Variants in ALDH3B1 observed in about 807,000 individuals in gnomAD.
ALDH3B1 encodes the protein aldehyde dehydrogenase 3 family member B1.
In ALDH3B1, 37 loss-of-function variants were observed where a neutral mutation model predicts 46.2. The ratio of observed to expected loss-of-function variants is 0.80; its 90% confidence interval spans 0.62 to 1.05. The LOEUF is 1.05. Ranked by LOEUF, ALDH3B1 falls within the 50% of genes least tolerant of loss-of-function variation. The pLI, the probability that ALDH3B1 is intolerant of heterozygous loss-of-function variation, is 0.00. For synonymous variants in ALDH3B1, 283 were observed against 281.0 expected, an observed-to-expected ratio of 1.01 and a Z score of -0.07; for missense variants, 603 against 665.5, an observed-to-expected ratio of 0.91 and a Z score of 1.03.
chr11:68,021,946 C>T, intron 7 of ALDH3B1, 75 bp downstream of exon 7: 1 of 1,518,770 alleles, frequency 6.6e-7, no homozygotes. Context: ...GGCTGGGCCA[C>T]AACTCTGGAC....
rs573490268 is a variant in ALDH3B1, at chr11:68,010,919, G to A, written c.-2+527G>A. Among the ~76,000 whole-genome samples, 107 of 152,296 alleles carry A rather than the reference G, an allele frequency of 7.0e-4. 1 individual carries two copies. Among genetic ancestry groups the A allele is most frequent in the African/African-American group, 2.4e-3 (99 of 41,564 alleles). On this transcript the variant is annotated intron_variant, in intron 1 of 9. Coordinates refer to ENST00000342456, the MANE Select transcript of ALDH3B1 (RefSeq NM_000694.4). ...AGGAGTGGCCAGCCAGCCCCGCCCC[G>A]CCTGCAGGAGGCACTTCTCATCCCG...
intron 6 of ALDH3B1, among the ~76,000 whole-genome samples, 167 bp downstream of exon 6, chr11:68,019,963 T>A (rs1857451410): frequency 6.6e-6 from 1 of 152,064 alleles, no homozygotes; most frequent in Admixed American, 6.5e-5. Flanking sequence ...TAGGAAGGGA[T>A]GGAGTCCCAT....
chr11:68,008,977 C>T (rs574726854), upstream of ALDH3B1, among the ~76,000 whole-genome samples: 1 of 152,324 alleles, frequency 6.6e-6, no homozygotes, highest in African/African-American at 2.4e-5. Flanking sequence ...GGCTTAGGCA[C>T]AGCTGCCTGT....
At chr11:68,015,032 G>A (rs141014009) in intron 1 of ALDH3B1, 72 of 381,136 alleles carry the variant, frequency 1.9e-4, no homozygotes, top group South Asian at 2.9e-4. Context: ...TCCTGCAGCC[G>A]CCTCCAGGTC....
chr11:68,014,032 A>C (rs1052244327), intron 1 of ALDH3B1, among the ~76,000 whole-genome samples: 1 of 152,074 alleles, frequency 6.6e-6, no homozygotes, highest in Non-Finnish European at 1.5e-5. Flanking sequence ...CCACTTAACA[A>C]TCACCCACAG....
At position 68,028,054 on chromosome 11, in the gene ALDH3B1, C is replaced by A. The variant is rs528280364; in HGVS notation, c.*115C>A. 39 of 1,399,210 alleles carry A rather than the reference C, an allele frequency of 2.8e-5. No individual in the cohort carries two copies. The highest frequency in any genetic ancestry group is 3.6e-5 in the Non-Finnish European group (36 of 999,180). 86.7% of individuals were successfully genotyped at this position (1,399,210 alleles called of 1,614,324 possible). On this transcript the variant is annotated 3_prime_UTR_variant, in exon 10 of 10. Transcript: ENST00000342456. ...GAAAAGGATTGCCAAGGCTCCAGGG[C>A]ACCCCTCAAAGCAGCGCCTGCCTCC...
At chr11:68,012,617 C>A (rs895599353) in intron 1 of ALDH3B1, among the ~76,000 whole-genome samples, 2 of 152,120 alleles carry the variant, frequency 1.3e-5, no homozygotes, top group African/African-American at 4.8e-5. Context: ...GGAGTGGCAG[C>A]AATAGTGAGG....
At chr11:68,018,339 G>A (rs942283921) in intron 2 of ALDH3B1, 188 bp from the exon 3 acceptor site, 37 of 574,552 alleles carry the variant, frequency 6.4e-5, no homozygotes, top group African/African-American at 5.0e-4. Flanking sequence ...CCTCAGGGCC[G>A]GTCCCTCTGT....
intron 2 of ALDH3B1, chr11:68,017,210 G>A (rs1857371145): frequency 6.6e-6 from 1 of 152,274 alleles, no homozygotes; most frequent in Admixed American, 6.5e-5. Flanking sequence ...AGGAGGTGTG[G>A]CGGGCAGGCC....
chr11:68,019,204 C>T lies in ALDH3B1; in HGVS notation c.429C>T (p.Ser143=). 1 of 1,613,554 alleles carries T rather than the reference C, an allele frequency of 6.2e-7. No individual in the cohort carries two copies. The highest frequency in any genetic ancestry group is 8.5e-7 in the Non-Finnish European group (1 of 1,179,774). Residue 143 remains serine (S), a synonymous_variant, in exon 5 of 10, where the codon AGC becomes AGT. Coordinates refer to ENST00000342456, the MANE Select transcript of ALDH3B1 (RefSeq NM_000694.4). ...TGGTGCTGAAGCCATCGGAGATTAG[C>T]AAGAACGTCGAGAAGATCCTGGCCG... ...NCVVLKPSEI[S]KNVEKILAEV... is the part of the protein sequence containing the mutation.
At position 68,028,856 on chromosome 11, in the gene ALDH3B1, C is replaced by T. The variant is rs1322388613; in HGVS notation, c.*917C>T. 1 of 152,292 alleles carries T rather than the reference C, an allele frequency of 6.6e-6. No individual in the cohort carries two copies. The allele number at this position is 152,292 out of a possible 1,614,324, so 9.4% of individuals were successfully genotyped here. On this transcript the variant is annotated 3_prime_UTR_variant, in exon 10 of 10. Transcript: ENST00000342456. ...TGGGGCTGTGGTTATGCGATAGGGT[C>T]TCCCTTCCCTCCAGCCCATGCCAGA...
At position 68,018,403 on chromosome 11, in the gene ALDH3B1, T is replaced by C. The variant is rs539875660; in HGVS notation, c.163-124T>C. Reference sequence around the variant, plus strand: ...AAGCACGCACTGAACATGGAGTGAGTGAGTGAACGAATGAATGAAAATGAA... The same window carrying C: ...AAGCACGCACTGAACATGGAGTGAGCGAGTGAACGAATGAATGAAAATGAA... On this transcript the variant is annotated intron_variant, in intron 2 of 9. Transcript: ENST00000342456. The C allele has an allele frequency of 8.0e-5, 61 of 765,120 alleles. No individual in the cohort carries two copies. The South Asian group carries it at 1.0e-3, about 13-fold the overall frequency. The allele number at this position is 765,120 out of a possible 1,614,324, so 47.4% of individuals were successfully genotyped here.
chr11:68,018,635 C>G lies in ALDH3B1; in HGVS notation c.271C>G (p.Leu91Val), dbSNP rs566880821. Residue 91 changes from leucine (L) to valine (V), a missense_variant and splice_region_variant, in exon 3 of 10, where the codon CTG becomes GTG. Coordinates refer to ENST00000342456, the MANE Select transcript of ALDH3B1 (RefSeq NM_000694.4). Reference sequence around the variant, plus strand: ...GAAGGACGAGCGTGTGCCCAAGAACCTGGTGAGCCGGCCGGGCTGAGGCGG... The same window carrying G: ...GAAGGACGAGCGTGTGCCCAAGAACGTGGTGAGCCGGCCGGGCTGAGGCGG... The part of the protein sequence containing the change: ...WMKDERVPKN[L>V]ATQLDSAFIR... The G allele has an allele frequency of 1.9e-6, 3 of 1,571,728 alleles. No homozygotes were observed. In the South Asian group the frequency reaches 3.5e-5, roughly 18 times the overall value.
intron 5 of ALDH3B1, 64 bp from the exon 6 acceptor site, chr11:68,019,651 G>T (rs1857439641): frequency 6.4e-7 from 1 of 1,566,688 alleles, no homozygotes; most frequent in African/African-American, 1.3e-5. Context: ...AGGCAGGGCG[G>T]GCTGCTCCCT....
intron 2 of ALDH3B1, chr11:68,017,117 G>T (rs1857369784): frequency 6.6e-6 from 1 of 152,338 alleles, no homozygotes; most frequent in Non-Finnish European, 1.5e-5. Context: ...TTGCCCAAGG[G>T]CATGCAGCCA....
chr11:68,018,574 G>C lies in ALDH3B1; in HGVS notation c.210G>C (p.Glu70Asp). Residue 70 changes from glutamate to aspartate, a missense_variant, in exon 3 of 10, where the codon GAG becomes GAC. Glu to Asp is a conservative substitution (Grantham distance 45). Transcript: ENST00000342456. ...EVSEVAISQG[E>D]VTLALRNLRA... is the part of the protein sequence containing the mutation. ...CTGAGGTTGCCATCAGCCAGGGCGA[G>C]GTCACCCTGGCCCTCAGGAACCTCC... is the stretch of plus-strand genomic sequence containing the variant. 1 of 1,585,046 alleles carries C rather than the reference G, an allele frequency of 6.3e-7. No individual in the cohort carries two copies. The highest frequency in any genetic ancestry group is 8.6e-7 in the Non-Finnish European group (1 of 1,166,064).
At chr11:68,025,528 T>G (rs1016648911) in intron 8 of ALDH3B1, among the ~76,000 whole-genome samples, 1 of 152,208 alleles carries the variant, frequency 6.6e-6, no homozygotes, top group East Asian at 1.9e-4. Flanking sequence ...CACATCATTA[T>G]GTTTTCATGT....
At chr11:68,015,598 C>T (rs541085591) in intron 2 of ALDH3B1, 139 bp downstream of exon 2, 15 of 1,079,340 alleles carry the variant, frequency 1.4e-5, no homozygotes, top group Non-Finnish European at 2.1e-5. Flanking sequence ...CCAGAGCCAC[C>T]CTTGCACATT....
intron 4 of ALDH3B1, 105 bp from the exon 5 acceptor site, chr11:68,019,065 G>A (rs1857424165): frequency 6.8e-7 from 1 of 1,469,030 alleles, no homozygotes; most frequent in Non-Finnish European, 9.2e-7. Context: ...CTCTGAACCA[G>A]GTTCTGCATC....
Sources: gnomAD v4.1 joint callset for allele counts (sites outside exome capture counted in the v4.1 genomes callset) on GRCh38, gnomAD v4.1.1 for gene constraint, MANE v1.5 for transcripts, NCBI Gene and HGNC (gene_info 2026-07-23, HGNC 2026-07-21) for gene names.